PTPRQ: variants seen among roughly 807,000 people sequenced by gnomAD.
PTPRQ encodes phosphatidylinositol phosphatase PTPRQ.
Under a neutral mutation model 246.0 loss-of-function variants are expected in PTPRQ, and 199 were observed. The observed-to-expected ratio is 0.81, with a 90% CI of 0.72 to 0.91. The LOEUF is 0.91. Ranked by LOEUF, PTPRQ falls within the 40% of genes least tolerant of loss-of-function variation. The probability of loss-of-function intolerance (pLI) is 0.00; values close to 1 mark genes in which losing one functional copy is unlikely to be tolerated. For missense variants in PTPRQ, 2,624 were observed against 2,528.4 expected, an observed-to-expected ratio of 1.04 and a Z score of -0.81; for synonymous variants, 869 against 853.2, an observed-to-expected ratio of 1.02 and a Z score of -0.32.
intron 3 of PTPRQ, among the ~76,000 whole-genome samples, chr12:80,446,358 T>C (rs967531955): frequency 6.6e-6 from 1 of 151,878 alleles, no homozygotes; most frequent in Non-Finnish European, 1.5e-5. Flanking sequence ...AAAATAATTT[T>C]GCCAGGTTTT....
At chr12:80,618,360 TCACACACACACACACACACA>T (rs3071377) in intron 30 of PTPRQ, among the ~76,000 whole-genome samples, 2 of 125,530 alleles carry the variant, frequency 1.6e-5, no homozygotes, top group African/African-American at 5.6e-5. Flanking sequence ...AGCACTACAT[TCACACACACACACACACACA>T]CACACACACA....
chr12:80,626,952 T>C (rs1305214086), intron 33 of PTPRQ, among the ~76,000 whole-genome samples: 1 of 152,284 alleles, frequency 6.6e-6, no homozygotes, highest in East Asian at 1.9e-4. Context: ...GTGACTTTTC[T>C]CACACCCTAG....
At chr12:80,605,204 A>G in intron 27 of PTPRQ, 24 bp downstream of exon 27, 1 of 1,534,334 alleles carries the variant, frequency 6.5e-7, no homozygotes, top group Admixed American at 2.0e-5. Context: ...TACCTTCTGT[A>G]AAAGCCAGTA....
intron 17 of PTPRQ, among the ~76,000 whole-genome samples, chr12:80,514,827 A>G (rs1326682862): frequency 2.0e-5 from 3 of 147,048 alleles, no homozygotes; most frequent in Non-Finnish European, 4.5e-5. Flanking sequence ...AAGAATAGTG[A>G]TGCTTTTTCA....
chr12:80,495,125 C>G, intron 11 of PTPRQ, 31 bp downstream of exon 11: 1 of 1,550,268 alleles, frequency 6.5e-7, no homozygotes, highest in Non-Finnish European at 8.7e-7. Context: ...AAACAATTAA[C>G]TGCAAATATT....
intron 35 of PTPRQ, among the ~76,000 whole-genome samples, chr12:80,641,266 C>T (rs918280579): frequency 2.0e-5 from 3 of 152,128 alleles, no homozygotes; most frequent in African/African-American, 2.4e-5. Context: ...CTAGCAGGGA[C>T]CCCAGTAACT....
chr12:80,492,344 A>G (rs529990197), intron 9 of PTPRQ, among the ~76,000 whole-genome samples: 111 of 152,126 alleles, frequency 7.3e-4, no homozygotes, highest in African/African-American at 2.1e-3. Context: ...TTTAATACCT[A>G]GAACACATTC....
At chr12:80,510,478 C>G (rs192164236) in intron 17 of PTPRQ, 35 bp downstream of exon 17, 2 of 1,504,698 alleles carry the variant, frequency 1.3e-6, no homozygotes, top group African/African-American at 2.8e-5. Flanking sequence ...GTTCTGAGAA[C>G]AGATATTAAT....
rs78272703 is a variant in PTPRQ, at chr12:80,574,789, A to G, written c.4286-13340A>G. Among the ~76,000 whole-genome samples the G allele has an allele frequency of 5.6e-3, 856 of 152,314 alleles. 25 individuals carry two copies. In the South Asian group the frequency reaches 0.066, roughly 12 times the overall value. On this transcript the variant is annotated intron_variant, in intron 25 of 44. Transcript: ENST00000644991. ...ACGTGTCAGCTATATATATTAATAT[A>G]CGTGTGTATGTGTGCATGCACACTC...
intron 3 of PTPRQ, among the ~76,000 whole-genome samples, chr12:80,448,951 C>T (rs557539767): frequency 6.7e-6 from 1 of 149,892 alleles, no homozygotes; most frequent in East Asian, 1.9e-4. Flanking sequence ...AATCGCCACA[C>T]TGACTTCCAC....
At chr12:80,613,517 A>C in intron 28 of PTPRQ, 75 bp from the exon 29 acceptor site, 1 of 1,392,214 alleles carries the variant, frequency 7.2e-7, no homozygotes, top group Middle Eastern at 2.6e-4. Flanking sequence ...CAGAAGTTCA[A>C]AGCAAATAAA....
intron 37 of PTPRQ, among the ~76,000 whole-genome samples, chr12:80,652,259 T>G (rs1242083610): frequency 6.6e-6 from 1 of 152,126 alleles, no homozygotes; most frequent in East Asian, 1.9e-4. Context: ...CCATTATTGA[T>G]TTAGCAATGC....
At chr12:80,485,844 C>T (rs1015661118) in intron 9 of PTPRQ, among the ~76,000 whole-genome samples, 2 of 152,054 alleles carry the variant, frequency 1.3e-5, no homozygotes, top group Admixed American at 6.6e-5. Flanking sequence ...GGTGGCCACA[C>T]CTGTTTTTCC....
chr12:80,650,754 T>C (rs547445858), intron 37 of PTPRQ, among the ~76,000 whole-genome samples: 2 of 152,146 alleles, frequency 1.3e-5, no homozygotes, highest in South Asian at 4.1e-4. Flanking sequence ...AAAAGTGTAA[T>C]TTCCCTAGAA....
chr12:80,519,726 A>G (rs1364412830), intron 17 of PTPRQ, among the ~76,000 whole-genome samples: 1 of 152,176 alleles, frequency 6.6e-6, no homozygotes, highest in African/African-American at 2.4e-5. Flanking sequence ...ATGTATTACA[A>G]TTAGGTCCTA....
chr12:80,672,686 G>C (rs1592782762), intron 42 of PTPRQ, among the ~76,000 whole-genome samples: 1 of 151,888 alleles, frequency 6.6e-6, no homozygotes. Context: ...TTATCTATAG[G>C]AGGCAAAATA....
At chr12:80,547,727 T>A (rs1329478854) in intron 24 of PTPRQ, among the ~76,000 whole-genome samples, 1 of 152,172 alleles carries the variant, frequency 6.6e-6, no homozygotes, top group Non-Finnish European at 1.5e-5. Flanking sequence ...AAGCACATAT[T>A]AGCAGTAGCC....
At chr12:80,601,594 C>T (rs924218798) in intron 26 of PTPRQ, among the ~76,000 whole-genome samples, 2 of 151,658 alleles carry the variant, frequency 1.3e-5, no homozygotes, top group African/African-American at 2.4e-5. Context: ...AATGTGTGGC[C>T]GATCAGAAAA....
chr12:80,668,033 A>T (rs938162015), intron 39 of PTPRQ, among the ~76,000 whole-genome samples: 3 of 151,956 alleles, frequency 2.0e-5, no homozygotes, highest in Admixed American at 6.6e-5. Flanking sequence ...TCCCTGGAAA[A>T]TTTAAATATA....
Sources: allele counts gnomAD v4.1 joint callset (sites outside exome capture counted in the v4.1 genomes callset), GRCh38; gene constraint gnomAD v4.1.1; transcripts MANE v1.5; gene names NCBI Gene and HGNC (gene_info 2026-07-23, HGNC 2026-07-21).